CD200R1L: variants seen among roughly 807,000 people sequenced by gnomAD.
CD200R1L encodes the protein cell surface glycoprotein CD200 receptor 2.
CD200R1L carries 14 observed loss-of-function variants against 24.8 expected under a neutral mutation model. The ratio of observed to expected loss-of-function variants is 0.56; its 90% CI spans 0.37 to 0.88. The LOEUF (loss-of-function observed/expected upper bound fraction) is 0.88, where lower values mean the gene tolerates loss of function less well. Among genes scored for constraint, CD200R1L ranks in the 40% least tolerant of loss-of-function variants. The probability of loss-of-function intolerance (pLI) is 0.00; values close to 1 mark genes in which losing one functional copy is unlikely to be tolerated. For missense variants in CD200R1L, 299 were observed against 297.8 expected (o/e 1.00, Z -0.03); for synonymous variants, 111 against 109.2 (o/e 1.02, Z -0.11).
At chr3:112,829,184 G>A (rs374412006) in intron 4 of CD200R1L, 135 bp downstream of exon 4, 32 of 640,356 alleles carry the variant, frequency 5.0e-5, no homozygotes, top group African/African-American at 1.8e-4. Context: ...AGGGTCCTTC[G>A]TACCACAGCA....
At chr3:112,825,714 G>A (rs754389550) in intron 6 of CD200R1L, among the ~76,000 whole-genome samples, 2 of 152,042 alleles carry the variant, frequency 1.3e-5, no homozygotes, top group African/African-American at 2.4e-5. Context: ...AAAAATAGGC[G>A]TGTTTTATGA....
intron 3 of CD200R1L, 64 bp from the exon 4 acceptor site, chr3:112,829,448 T>C: frequency 6.8e-7 from 1 of 1,470,788 alleles, no homozygotes; most frequent in Non-Finnish European, 9.5e-7. Context: ...GAAACAAGTG[T>C]TTCCCCACAG....
intron 2 of CD200R1L, among the ~76,000 whole-genome samples, chr3:112,844,360 G>A (rs996904610): frequency 2.0e-5 from 3 of 152,096 alleles, no homozygotes; most frequent in African/African-American, 7.2e-5. Context: ...TCACACCACA[G>A]TGGAATAAAA....
At chr3:112,838,491 A>C (rs1939012266) in intron 2 of CD200R1L, among the ~76,000 whole-genome samples, 1 of 149,938 alleles carries the variant, frequency 6.7e-6, no homozygotes, top group South Asian at 2.1e-4. Context: ...CAAACAAACA[A>C]AAAAAAACGG....
chr3:112,836,619 C>T (rs559818090), intron 3 of CD200R1L, among the ~76,000 whole-genome samples: 19 of 152,148 alleles, frequency 1.2e-4, no homozygotes, highest in Admixed American at 6.5e-5. Context: ...TCAACAGTGA[C>T]GAATTTGCCA....
intron 7 of CD200R1L, among the ~76,000 whole-genome samples, chr3:112,819,428 G>A (rs9845553): frequency 0.023 from 3,536 of 152,210 alleles, 150 homozygotes; most frequent in African/African-American, 0.08. Context: ...AATTAAGCAG[G>A]AATGAACACA....
chr3:112,819,706 C>A, intron 7 of CD200R1L, 66 bp downstream of exon 7: 1 of 1,467,436 alleles, frequency 6.8e-7, no homozygotes, highest in Non-Finnish European at 9.0e-7. Context: ...ATTGTAAACT[C>A]AAAATGTTAC....
Position 112,819,828 on chromosome 3 carries a change from A to G in CD200R1L, c.684T>C (p.Phe228=), listed in dbSNP as rs1201611804. The part of the protein sequence containing the change: ...LIILYVKLSL[F]VVILVTTGFV... ...ATCCTGTGGTGACCAGAATGACCAC[A>G]AAAAGAGAGAGTTTCACATAAAGAA... The change falls in exon 7 of 8, where the codon TTT becomes TTC. Residue 228 remains phenylalanine (F), a synonymous_variant. Transcript: ENST00000488794. 4 of 1,611,884 alleles carry G rather than the reference A, an allele frequency of 2.5e-6. No individual in the cohort carries two copies. In the East Asian group the frequency reaches 9.0e-5, roughly 36 times the overall value.
At chr3:112,832,244 C>T (rs187206184) in intron 3 of CD200R1L, among the ~76,000 whole-genome samples, 127 of 152,260 alleles carry the variant, frequency 8.3e-4, no homozygotes, top group African/African-American at 2.9e-3. Flanking sequence ...CATTAAGGGC[C>T]TCCTGTTAGA....
chr3:112,826,409 T>C (rs1938658093), intron 6 of CD200R1L, among the ~76,000 whole-genome samples: 1 of 152,132 alleles, frequency 6.6e-6, no homozygotes, highest in Admixed American at 6.5e-5. Flanking sequence ...GACAGAGATA[T>C]TAAATACTGT....
intron 7 of CD200R1L, chr3:112,818,879 C>T (rs1196159249): frequency 6.5e-6 from 1 of 154,360 alleles, no homozygotes; most frequent in African/African-American, 2.4e-5. Flanking sequence ...GAGTCTGAAA[C>T]AGATCTTGGT....
chr3:112,825,876 G>T (rs1203213214), intron 6 of CD200R1L, among the ~76,000 whole-genome samples: 1 of 152,196 alleles, frequency 6.6e-6, no homozygotes, highest in African/African-American at 2.4e-5. Context: ...TAATACTGAA[G>T]ATAAATGGAC....
intron 7 of CD200R1L, among the ~76,000 whole-genome samples, chr3:112,818,174 A>T (rs761058026): frequency 9.2e-5 from 14 of 152,112 alleles, no homozygotes; most frequent in Admixed American, 2.0e-4. Context: ...AAATAAGAAA[A>T]GTCTTCTTTT....
intron 6 of CD200R1L, among the ~76,000 whole-genome samples, chr3:112,826,240 C>A (rs960766066): frequency 2.0e-5 from 3 of 151,790 alleles, no homozygotes; most frequent in Non-Finnish European, 4.4e-5. Context: ...ATAAGGAAAT[C>A]TAGTGGCTAA....
At chr3:112,819,728 T>C (rs1938485736) in intron 7 of CD200R1L, 44 bp downstream of exon 7, 3 of 1,540,398 alleles carry the variant, frequency 1.9e-6, no homozygotes, top group Admixed American at 2.3e-5. Flanking sequence ...ATGATACTTT[T>C]TTTTTTCTAC....
chr3:112,829,272 C>G, intron 4 of CD200R1L, 47 bp downstream of exon 4: 1 of 1,469,088 alleles, frequency 6.8e-7, no homozygotes, highest in South Asian at 1.2e-5. Flanking sequence ...TACTGAAGTT[C>G]AACTTTCCAT....
chr3:112,833,348 T>G (rs1243476276), intron 3 of CD200R1L, among the ~76,000 whole-genome samples: 1 of 152,244 alleles, frequency 6.6e-6, no homozygotes, highest in Non-Finnish European at 1.5e-5. Context: ...AGATGAAATG[T>G]GGAGCCTCAG....
At position 112,820,571 on chromosome 3, in the gene CD200R1L, C is replaced by T. The variant is rs189806451; in HGVS notation, c.617-676G>A. 2.0e-3 allele frequency among the ~76,000 whole-genome samples: 305 copies of T among 152,102 alleles called. 1 individual carries two copies. The highest frequency in any genetic ancestry group is 3.0e-3 in the Non-Finnish European group (202 of 67,970). On this transcript the variant is annotated intron_variant, in intron 6 of 7. Transcript: ENST00000488794. ...TCAGCCTCCAGAGTAGCTAGGATTACAGGCATGCACCACCACGCCTGGCTA... is the reference window on the plus strand; with the variant it reads ...TCAGCCTCCAGAGTAGCTAGGATTATAGGCATGCACCACCACGCCTGGCTA...
At chr3:112,828,869 T>A (rs1350671663) in intron 4 of CD200R1L, among the ~76,000 whole-genome samples, 1 of 152,176 alleles carries the variant, frequency 6.6e-6, no homozygotes, top group African/African-American at 2.4e-5. Context: ...ATCTCATCAC[T>A]ATAGCATAAG....
Sources: gnomAD v4.1 joint callset for allele counts (sites outside exome capture counted in the v4.1 genomes callset) on GRCh38, gnomAD v4.1.1 for gene constraint, MANE v1.5 for transcripts, NCBI Gene and HGNC (gene_info 2026-07-23, HGNC 2026-07-21) for gene names.